TRPM6: variants seen among roughly 807,000 people sequenced by gnomAD.
TRPM6 encodes the protein channel kinase 2.
TRPM6 carries 111 observed loss-of-function variants against 247.6 expected under a neutral mutation model. The ratio of observed to expected loss-of-function variants is 0.45; its 90% CI spans 0.38 to 0.52. TRPM6 has a LOEUF of 0.52. TRPM6 is among the 20% of genes least tolerant of loss of function. The pLI is 0.00. For missense variants in TRPM6, 2,126 were observed against 2,421.5 expected (o/e 0.88, Z 2.56); for synonymous variants, 892 against 853.8 (o/e 1.04, Z -0.78).
At chr9:74,741,148 A>T (rs1825850404) in intron 33 of TRPM6, among the ~76,000 whole-genome samples, 1 of 152,182 alleles carries the variant, frequency 6.6e-6, no homozygotes, top group Non-Finnish European at 1.5e-5. Flanking sequence ...ACAAAATACT[A>T]CTTAACTGCT....
chr9:74,749,337 T>C (rs928671501), intron 30 of TRPM6, among the ~76,000 whole-genome samples: 3 of 152,200 alleles, frequency 2.0e-5, no homozygotes, highest in African/African-American at 7.2e-5. Context: ...TATAGAAAAA[T>C]GAGCACCAGA....
At chr9:74,887,479 A>ACG (rs55780755) in intron 1 of TRPM6, 1 of 1,093,574 alleles carries the variant, frequency 9.1e-7, no homozygotes, top group Non-Finnish European at 1.3e-6. Context: ...GAGCGGAATC[A>ACG]GAGCTGCCTC....
intron 23 of TRPM6, among the ~76,000 whole-genome samples, chr9:74,779,058 A>G (rs1268391929): frequency 1.3e-5 from 2 of 152,136 alleles, no homozygotes; most frequent in Non-Finnish European, 2.9e-5. Flanking sequence ...GACATTTTTA[A>G]TAAACAAAAA....
At chr9:74,781,536 C>CAA (rs35938872) in intron 23 of TRPM6, among the ~76,000 whole-genome samples, 3,176 of 93,422 alleles carry the variant, frequency 0.034, 186 homozygotes, top group African/African-American at 0.1. Context: ...GACTCTATCT[C>CAA]AAAAAAAAAA....
chr9:74,829,017 C>T (rs1247677264), intron 6 of TRPM6, among the ~76,000 whole-genome samples: 1 of 152,082 alleles, frequency 6.6e-6, no homozygotes, highest in Non-Finnish European at 1.5e-5. Context: ...TAACAGCTGG[C>T]CAGGAGCGGT....
chr9:74,748,840 G>A (rs2118776628), intron 30 of TRPM6, among the ~76,000 whole-genome samples: 1 of 152,252 alleles, frequency 6.6e-6, no homozygotes, highest in South Asian at 2.1e-4. Flanking sequence ...TAGCCTAAGT[G>A]TACACATAAA....
rs2119006637 is a variant in TRPM6, at chr9:74,802,174, T to C, written c.1733A>G (p.Glu578Gly). The change falls in exon 16 of 39, where the codon GAA becomes GGA. Residue 578 changes from glutamate (E) to glycine (G), a missense_variant and splice_region_variant. By Grantham distance (98) the Glu-to-Gly change is moderately conservative. This residue lies in a region of TRPM6 where 1,082 missense variants were observed against 1,307.9 expected (regional missense o/e 0.83). Transcript: ENST00000360774. ...TGATTTATGAAGGACTATAGACTTTTCCTGTTGGAAAATAAAATAGGAATG... is the reference window on the plus strand; with the variant it reads ...TGATTTATGAAGGACTATAGACTTTCCCTGTTGGAAAATAAAATAGGAATG... Reference protein sequence around the residue: ...IRTAQPYKFKEKSIVLHKSRK... With the variant: ...IRTAQPYKFKGKSIVLHKSRK... 2.5e-6 allele frequency: 4 copies of C among 1,613,678 alleles called. No homozygotes were observed. In the East Asian group the frequency reaches 8.9e-5, roughly 36 times the overall value.
At chr9:74,885,080 C>T (rs762332725) in intron 1 of TRPM6, among the ~76,000 whole-genome samples, 1 of 152,084 alleles carries the variant, frequency 6.6e-6, no homozygotes, top group Non-Finnish European at 1.5e-5. Flanking sequence ...AAGATTTAGA[C>T]AACTAACAAA....
At chr9:74,732,526 CT>C (rs1825555200) in intron 37 of TRPM6, among the ~76,000 whole-genome samples, 158 bp downstream of exon 37, 1 of 152,112 alleles carries the variant, frequency 6.6e-6, no homozygotes, top group African/African-American at 2.4e-5. Flanking sequence ...CTAACCTATG[CT>C]TTTTTATAAT....
intron 25 of TRPM6, among the ~76,000 whole-genome samples, chr9:74,769,339 G>A (rs1826935608): frequency 6.6e-6 from 1 of 152,098 alleles, no homozygotes; most frequent in Non-Finnish European, 1.5e-5. Context: ...AGTAGAGACG[G>A]GGTTTTGCCA....
At position 74,722,520 on chromosome 9, in the gene TRPM6, C is replaced by T. The variant is rs1406251091; in HGVS notation, c.*2093G>A. ...GAAATTTGAAATCCAAATGTATTTG[C>T]TTTCAAGTTCCATTCCAGGTAACAA... On this transcript the variant is annotated 3_prime_UTR_variant, in exon 39 of 39. Transcript: ENST00000360774. 2 of 152,192 alleles carry T rather than the reference C, an allele frequency of 1.3e-5. No individual in the cohort carries two copies. Among genetic ancestry groups the T allele is most frequent in the Admixed American group, 6.5e-5 (1 of 15,278 alleles). 9.4% of individuals were successfully genotyped at this position (152,192 alleles called of 1,614,324 possible).
chr9:74,858,555 T>C (rs1248504357), intron 2 of TRPM6, 114 bp downstream of exon 2: 1 of 640,616 alleles, frequency 1.6e-6, no homozygotes, highest in Non-Finnish European at 2.7e-6. Flanking sequence ...ACATTGAAAA[T>C]TCTAACTTTA....
At chr9:74,737,295 T>A (rs975968693) in intron 36 of TRPM6, 1 of 1,124,248 alleles carries the variant, frequency 8.9e-7, no homozygotes, top group Non-Finnish European at 1.2e-6. Context: ...AGTTTAAAAA[T>A]TTGTGTCACA....
At position 74,747,911 on chromosome 9, in the gene TRPM6, C is replaced by T; in HGVS notation, c.5061G>A (p.Leu1687=). 2 of 1,610,572 alleles carry T rather than the reference C, an allele frequency of 1.2e-6. No homozygotes were observed. The highest frequency in any genetic ancestry group is 1.1e-5 in the South Asian group (1 of 90,672). ...RSTNLNRNSL[L]KSSIGVDKIS... Reference sequence around the variant, plus strand: ...TACTGTCAACTCCAATTGAACTTTTCAGCCTGTTTGAAAAAAAAATGAAGT... The same window carrying T: ...TACTGTCAACTCCAATTGAACTTTTTAGCCTGTTTGAAAAAAAAATGAAGT... Residue 1687 remains leucine (L), a synonymous_variant, in exon 31 of 39, where the codon CTG becomes CTA. Transcript: ENST00000360774.
chr9:74,818,206 A>C (rs1829009076), intron 9 of TRPM6, among the ~76,000 whole-genome samples: 1 of 151,768 alleles, frequency 6.6e-6, no homozygotes, highest in Non-Finnish European at 1.5e-5. Flanking sequence ...CCTTTTCTTA[A>C]CTTACTGATT....
chr9:74,878,902 C>T (rs1301774051), intron 1 of TRPM6, among the ~76,000 whole-genome samples: 1 of 152,076 alleles, frequency 6.6e-6, no homozygotes, highest in Non-Finnish European at 1.5e-5. Flanking sequence ...GAGGACCACT[C>T]AACCTCAGGA....
intron 1 of TRPM6, among the ~76,000 whole-genome samples, chr9:74,870,228 C>T (rs181324088): frequency 2.6e-5 from 4 of 152,264 alleles, no homozygotes; most frequent in Admixed American, 2.6e-4. Flanking sequence ...ACCTAGGATA[C>T]ACCTACAGTA....
At position 74,754,010 on chromosome 9, in the gene TRPM6, A is replaced by T. The variant is rs550964591; in HGVS notation, c.4906+1343T>A. On this transcript the variant is annotated intron_variant, in intron 28 of 38. Transcript: ENST00000360774. ...AAATTCGTTGGAAAGAACTTAAATG[A>T]TTTAAGAATGATATATAACATCCTA... Among the ~76,000 whole-genome samples the T allele has an allele frequency of 2.6e-3, 395 of 151,890 alleles. 3 individuals are homozygous for T. Among genetic ancestry groups the T allele is most frequent in the African/African-American group, 9.1e-3 (378 of 41,498 alleles).
chr9:74,879,976 T>C lies in TRPM6; in HGVS notation c.33+7848A>G, dbSNP rs140407300. Among the ~76,000 whole-genome samples, 569 of 152,190 alleles carry C rather than the reference T, an allele frequency of 3.7e-3. 2 individuals are homozygous for C. The highest frequency in any genetic ancestry group is 0.013 in the African/African-American group (544 of 41,534). ...GGGAATGAGTCCCCAACTTGTGTGA[T>C]CTGGCACTATCTTCAGGTAGATAGT... On this transcript the variant is annotated intron_variant, in intron 1 of 38. Coordinates refer to ENST00000360774, the MANE Select transcript of TRPM6 (RefSeq NM_017662.5).
Sources: gnomAD v4.1 joint callset for allele counts (sites outside exome capture counted in the v4.1 genomes callset) on GRCh38, gnomAD v4.1.1 for gene constraint, gnomAD v4.1.1 regional missense constraint, MANE v1.5 for transcripts, NCBI Gene and HGNC (gene_info 2026-07-23, HGNC 2026-07-21) for gene names.